Variants in DHRSX observed in about 807,000 individuals in gnomAD.
DHRSX encodes polyprenol dehydrogenase.
Under a neutral mutation model 34.0 loss-of-function variants are expected in DHRSX, and 31 were observed. The observed-to-expected ratio is 0.91, with a 90% confidence interval of 0.69 to 1.23. The LOEUF is 1.23. DHRSX is among the 50% of genes most tolerant of loss of function. The pLI is 0.00. For synonymous variants in DHRSX, 201 were observed against 183.8 expected (o/e 1.09, Z -0.76); for missense variants, 414 against 428.1 (o/e 0.97, Z 0.29).
intron 3 of DHRSX, among the ~76,000 whole-genome samples, chrX:2,326,368 C>A (rs1450949148): frequency 2.6e-5 from 4 of 151,976 alleles, no homozygotes; most frequent in African/African-American, 2.4e-5. Flanking sequence ...ACTAAAAATA[C>A]AAAAATTAGC....
intron 5 of DHRSX, among the ~76,000 whole-genome samples, chrX:2,243,788 G>GTTTTTTTTTTTTTTTTTTTT (rs778957532): frequency 5.2e-4 from 13 of 25,162 alleles, no homozygotes; most frequent in East Asian, 1.9e-3. Flanking sequence ...TATGCTCCCT[G>GTTTTTTTTTTTTTTTTTTTT]TTTTTTTTTT....
Position 2,395,885 on chromosome X carries a change from C to G in DHRSX, c.286+12860G>C, listed in dbSNP as rs1207594308. On this transcript the variant is annotated intron_variant, in intron 3 of 6. Coordinates refer to ENST00000334651, the MANE Select transcript of DHRSX (RefSeq NM_145177.3). The stretch of plus-strand genomic sequence containing the variant: ...AATGCAACTAGATATTCTATTCCTG[C>G]CCGATCTATGTCTCTACTCGTCTCC... Among the ~76,000 whole-genome samples, 3 of 152,236 alleles carry G rather than the reference C, an allele frequency of 2.0e-5. No homozygotes were observed. In the East Asian group the frequency reaches 5.8e-4, roughly 29 times the overall value.
chrX:2,441,724 A>G (rs1483730196), intron 1 of DHRSX, among the ~76,000 whole-genome samples: 5 of 152,100 alleles, frequency 3.3e-5, no homozygotes, highest in Non-Finnish European at 5.9e-5. Flanking sequence ...CTCAAAGTCT[A>G]CTGAAAATCT....
chrX:2,388,107 G>A (rs189538169), intron 3 of DHRSX, among the ~76,000 whole-genome samples: 4 of 152,174 alleles, frequency 2.6e-5, no homozygotes, highest in Non-Finnish European at 5.9e-5. Flanking sequence ...AACAGGAGAA[G>A]GGAGTGGTAT....
intron 6 of DHRSX, among the ~76,000 whole-genome samples, chrX:2,226,367 C>T (rs1479346583): frequency 1.3e-5 from 2 of 152,084 alleles, no homozygotes; most frequent in Admixed American, 6.6e-5. Context: ...TTCAGTCTGC[C>T]CCACAGCTCT....
At chrX:2,294,849 C>T (rs1458345082) in intron 3 of DHRSX, among the ~76,000 whole-genome samples, 2 of 151,008 alleles carry the variant, frequency 1.3e-5, no homozygotes, top group African/African-American at 4.9e-5. Context: ...ACAAAGAGAG[C>T]AGACAGAAAA....
At chrX:2,341,984 T>C (rs978557199) in intron 3 of DHRSX, among the ~76,000 whole-genome samples, 2 of 152,062 alleles carry the variant, frequency 1.3e-5, no homozygotes, top group Non-Finnish European at 2.9e-5. Context: ...TTTTGTATTT[T>C]TAGTAGACAT....
At chrX:2,328,678 T>C (rs73630211) in intron 3 of DHRSX, among the ~76,000 whole-genome samples, 4,807 of 152,256 alleles carry the variant, frequency 0.032, 115 homozygotes, top group South Asian at 0.067. Context: ...CACACTTTGA[T>C]CTCACAGACT....
chrX:2,372,725 C>T (rs1196826395), intron 3 of DHRSX, among the ~76,000 whole-genome samples: 4 of 151,936 alleles, frequency 2.6e-5, no homozygotes, highest in Non-Finnish European at 4.4e-5. Flanking sequence ...GCTCCTGCCT[C>T]AGCCTCCCGA....
chrX:2,242,882 C>T (rs1473871545), intron 6 of DHRSX, 141 bp downstream of exon 6: 11 of 767,122 alleles, frequency 1.4e-5, no homozygotes, highest in Non-Finnish European at 2.3e-5. Flanking sequence ...CAATAACTTG[C>T]TTCTCTTTCC....
rs770850066 is a variant in DHRSX at position 2,410,488 on chromosome X, C to T, written c.218-1675G>A. ...AGGTGTTCTGTAGTACAGCACCGTC[C>T]CCGGGTCTCCATGAAAATACATTAC... On this transcript the variant is annotated intron_variant, in intron 2 of 6. Coordinates refer to ENST00000334651, the MANE Select transcript of DHRSX (RefSeq NM_145177.3). 6.6e-5 allele frequency among the ~76,000 whole-genome samples: 10 copies of T among 152,296 alleles called. No individual in the cohort carries two copies. In the South Asian group the frequency reaches 2.1e-3, roughly 32 times the overall value.
intron 1 of DHRSX, among the ~76,000 whole-genome samples, chrX:2,445,248 G>C (rs1343978322): frequency 6.6e-6 from 1 of 152,108 alleles, no homozygotes; most frequent in African/African-American, 2.4e-5. Flanking sequence ...GGCAATTTCC[G>C]AAAAAGTTGC....
rs779709043 is a variant in DHRSX at position 2,347,014 on chromosome X, G to A, written c.287-55411C>T. Among the ~76,000 whole-genome samples, 19 of 152,246 alleles carry A rather than the reference G, an allele frequency of 1.2e-4. No individual in the cohort carries two copies. In the South Asian group the frequency reaches 3.9e-3, roughly 32 times the overall value. ...TTATGGCTGCATAGTATTCCATGGT[G>A]TCTCTGTGCCATATTGTCTTTACAC... On this transcript the variant is annotated intron_variant, in intron 3 of 6. Transcript: ENST00000334651.
chrX:2,488,750 G>A (rs142634106), intron 1 of DHRSX: 17 of 1,613,760 alleles, frequency 1.1e-5, no homozygotes, highest in Admixed American at 3.3e-5. Context: ...CTCGGGTTCC[G>A]CCTCTGCCCC....
chrX:2,300,492 G>A lies in DHRSX; in HGVS notation c.287-8889C>T, dbSNP rs754648252. On this transcript the variant is annotated intron_variant, in intron 3 of 6. Coordinates refer to ENST00000334651, the MANE Select transcript of DHRSX (RefSeq NM_145177.3). ...CAAGTTTAACATTTGAGTTAGTGGG[G>A]TGGGAAAGGCAGACCCACCCTTAAT... is the stretch of plus-strand genomic sequence containing the variant. Among the ~76,000 whole-genome samples, 21 of 152,276 alleles carry A rather than the reference G, an allele frequency of 1.4e-4. No individual in the cohort carries two copies. In the South Asian group the frequency reaches 3.3e-3, roughly 24 times the overall value.
Position 2,478,251 on chromosome X carries a change from C to A in DHRSX, c.109+22566G>T, listed in dbSNP as rs182196422. Among the ~76,000 whole-genome samples the A allele has an allele frequency of 2.1e-3, 325 of 152,222 alleles. 2 individuals are homozygous for A. Among genetic ancestry groups the A allele is most frequent in the African/African-American group, 6.6e-3 (273 of 41,528 alleles). ...GGTGCAGAGAGGAGCAGGCTGGCTG[C>A]GTCTCTCACTGTGCCTGGGATGGGC... On this transcript the variant is annotated intron_variant, in intron 1 of 6. Coordinates refer to ENST00000334651, the MANE Select transcript of DHRSX (RefSeq NM_145177.3).
Position 2,500,856 on chromosome X carries a change from GCGCCAGGATCAC to G in DHRSX, c.58_69del (p.Val20_Ala23del). 2.6e-6 allele frequency: 3 copies of G among 1,161,372 alleles called. No individual in the cohort carries two copies. The highest frequency in any genetic ancestry group is 3.2e-6 in the Non-Finnish European group (3 of 936,824). 71.9% of individuals were successfully genotyped at this position (1,161,372 alleles called of 1,614,324 possible). ...CCCCCGCGGCAGCGCCGCAGCAGCTGCGCCAGGATCACCGCGGCGCCTACCGCGTAGACCCGC... is the reference window on the plus strand; with the variant it reads ...CCCCCGCGGCAGCGCCGCAGCAGCTGCGCGGCGCCTACCGCGTAGACCCGC... On this transcript the variant is annotated inframe_deletion, in exon 1 of 7. Transcript: ENST00000334651.
At chrX:2,453,019 C>T (rs763728429) in intron 1 of DHRSX, among the ~76,000 whole-genome samples, 1 of 152,250 alleles carries the variant, frequency 6.6e-6, no homozygotes, top group South Asian at 2.1e-4. Context: ...GGCATAGACA[C>T]ACACTGGAAT....
At chrX:2,310,414 G>A (rs911346191) in intron 3 of DHRSX, among the ~76,000 whole-genome samples, 55 of 152,024 alleles carry the variant, frequency 3.6e-4, no homozygotes, top group Admixed American at 3.5e-3. Context: ...TCTCTTAGTC[G>A]TTATGCAGGT....
Sources: gnomAD v4.1 joint callset for allele counts (sites outside exome capture counted in the v4.1 genomes callset) on GRCh38, gnomAD v4.1.1 for gene constraint, MANE v1.5 for transcripts, NCBI Gene and HGNC (gene_info 2026-07-23, HGNC 2026-07-21) for gene names.